Variants in TP53BP2 observed in about 807,000 individuals in gnomAD.
TP53BP2 encodes apoptosis-stimulating of p53 protein 2.
In TP53BP2, 62 loss-of-function variants were observed where a neutral mutation model predicts 126.2. The observed-to-expected ratio is 0.49, with a 90% confidence interval of 0.40 to 0.61. The LOEUF (loss-of-function observed/expected upper bound fraction) is 0.61, where lower values mean the gene tolerates loss of function less well. Among genes scored for constraint, TP53BP2 ranks in the 20% least tolerant of loss-of-function variants. The pLI, the probability that TP53BP2 is intolerant of heterozygous loss-of-function variation, is 0.00. For synonymous variants in TP53BP2, 485 were observed against 502.9 expected (o/e 0.96, Z 0.48); for missense variants, 1,215 against 1,402.8 (o/e 0.87, Z 2.14).
At chr1:223,786,312 C>T (rs1314189541) in intron 16 of TP53BP2, among the ~76,000 whole-genome samples, 1 of 152,078 alleles carries the variant, frequency 6.6e-6, no homozygotes, top group Non-Finnish European at 1.5e-5. Flanking sequence ...CAGGGAGGGG[C>T]ATCCAAACAA....
chr1:223,795,016 C>G (rs1422295121), intron 13 of TP53BP2, among the ~76,000 whole-genome samples: 2 of 152,184 alleles, frequency 1.3e-5, no homozygotes, highest in Non-Finnish European at 2.9e-5. Context: ...CTTACTGAAG[C>G]AAAGTGGCTT....
At chr1:223,834,943 G>A (rs1388746797) in intron 1 of TP53BP2, 2 of 876,544 alleles carry the variant, frequency 2.3e-6, no homozygotes, top group African/African-American at 3.6e-5. Flanking sequence ...TAGTACACAT[G>A]TTTTGGTTCT....
chr1:223,787,090 T>G (rs2102832745), intron 16 of TP53BP2, among the ~76,000 whole-genome samples: 1 of 151,840 alleles, frequency 6.6e-6, no homozygotes, highest in East Asian at 1.9e-4. Context: ...CAGATGGAGT[T>G]TCACCATGTT....
intron 1 of TP53BP2, 110 bp downstream of exon 1, chr1:223,845,544 G>A: frequency 8.2e-7 from 1 of 1,222,764 alleles, no homozygotes; most frequent in Non-Finnish European, 1.1e-6. Context: ...CCTCCGCGCG[G>A]GCTGCGGCCC....
chr1:223,804,340 G>C lies in TP53BP2; in HGVS notation c.483C>G (p.Arg161=). Residue 161 remains arginine (R), a synonymous_variant, in exon 6 of 18, where the codon CGC becomes CGG. Coordinates refer to ENST00000343537, the MANE Select transcript of TP53BP2 (RefSeq NM_001031685.3). Reference sequence around the variant, plus strand: ...GATCTTGTTGTTTCAAAAACTTTAAGCGCTGTTCCTAAAAATAAAAGTAAT... The same window carrying C: ...GATCTTGTTGTTTCAAAAACTTTAACCGCTGTTCCTAAAAATAAAAGTAAT... ...QQQLLATKEQ[R]LKFLKQQDQR... 1 of 1,613,038 alleles carries C rather than the reference G, an allele frequency of 6.2e-7. No individual in the cohort carries two copies. Among genetic ancestry groups the C allele is most frequent in the Non-Finnish European group, 8.5e-7 (1 of 1,179,818 alleles).
intron 7 of TP53BP2, 165 bp downstream of exon 7, chr1:223,803,106 G>T: frequency 3.1e-6 from 3 of 957,518 alleles, no homozygotes; most frequent in Non-Finnish European, 4.6e-6. Flanking sequence ...CCTGTCTAGG[G>T]TACTATAAAG....
In TP53BP2 at chr1:223,816,818, A is replaced by G. The variant is rs12031859; in HGVS notation, c.176-2465T>C. 4.2e-3 allele frequency among the ~76,000 whole-genome samples: 636 copies of G among 152,038 alleles called. 27 individuals carry two copies. In the East Asian group the frequency reaches 0.1, roughly 25 times the overall value. On this transcript the variant is annotated intron_variant, in intron 2 of 17. Coordinates refer to ENST00000343537, the MANE Select transcript of TP53BP2 (RefSeq NM_001031685.3). ...CCTTTTTACTACCTATGGGTATCCCATAACATCATGTTGTATACCTTAAAT... is the reference window on the plus strand; with the variant it reads ...CCTTTTTACTACCTATGGGTATCCCGTAACATCATGTTGTATACCTTAAAT...
intron 11 of TP53BP2, among the ~76,000 whole-genome samples, chr1:223,799,378 G>T (rs1232395334): frequency 6.6e-6 from 1 of 151,916 alleles, no homozygotes; most frequent in Non-Finnish European, 1.5e-5. Flanking sequence ...TTCCTATCTG[G>T]GCAATTTTAA....
chr1:223,836,294 G>A (rs1663920630), intron 1 of TP53BP2, among the ~76,000 whole-genome samples: 1 of 152,258 alleles, frequency 6.6e-6, no homozygotes, highest in Admixed American at 6.5e-5. Flanking sequence ...AGTACAACTT[G>A]CTGTGAGCAA....
intron 8 of TP53BP2, 30 bp from the exon 9 acceptor site, chr1:223,802,374 T>C (rs759091738): frequency 1.9e-6 from 3 of 1,584,126 alleles, no homozygotes; most frequent in East Asian, 2.2e-5. Context: ...TCCTTTAGTA[T>C]TAAAAATCAT....
At chr1:223,811,735 C>G (rs1030886724) in intron 3 of TP53BP2, among the ~76,000 whole-genome samples, 1 of 152,096 alleles carries the variant, frequency 6.6e-6, no homozygotes, top group Non-Finnish European at 1.5e-5. Flanking sequence ...AATCCTTAAT[C>G]GAGAGGTCTA....
chr1:223,795,382 TTTCA>T (rs1326097418), intron 13 of TP53BP2, among the ~76,000 whole-genome samples: 10 of 152,240 alleles, frequency 6.6e-5, no homozygotes, highest in Admixed American at 6.5e-4. Flanking sequence ...TCACCTAACA[TTTCA>T]TTTTTTAAAA....
At chr1:223,794,840 C>T (rs1247038022) in intron 13 of TP53BP2, among the ~76,000 whole-genome samples, 1 of 152,070 alleles carries the variant, frequency 6.6e-6, no homozygotes. Flanking sequence ...TTACTGTAAC[C>T]AATTGTTAAA....
At chr1:223,845,272 TA>T in intron 1 of TP53BP2, 1 of 984,796 alleles carries the variant, frequency 1.0e-6, no homozygotes, top group Non-Finnish European at 1.2e-6. Context: ...CAGTAAAAAG[TA>T]AAAAGACACA....
At chr1:223,810,543 A>G (rs1225713905) in intron 3 of TP53BP2, 30 bp from the exon 4 acceptor site, 2 of 1,436,250 alleles carry the variant, frequency 1.4e-6, no homozygotes, top group African/African-American at 2.8e-5. Context: ...ACTATGCATT[A>G]ACACTAGAGT....
At chr1:223,787,593 A>C (rs561127458) in intron 16 of TP53BP2, among the ~76,000 whole-genome samples, 113 of 152,054 alleles carry the variant, frequency 7.4e-4, no homozygotes, top group African/African-American at 2.5e-3. Context: ...CGAAATTTAA[A>C]AGGTCAGGCA....
intron 6 of TP53BP2, 147 bp from the exon 7 acceptor site, chr1:223,803,599 A>G (rs1662611281): frequency 1.7e-6 from 1 of 585,224 alleles, no homozygotes; most frequent in Non-Finnish European, 2.8e-6. Flanking sequence ...TTCTTTTAGA[A>G]GCAAGTGAAA....
Position 223,798,304 on chromosome 1 carries a change from G to A in TP53BP2, c.1859C>T (p.Thr620Met), listed in dbSNP as rs202075602. The A allele has an allele frequency of 1.4e-5, 23 of 1,613,986 alleles. No homozygotes were observed. Among genetic ancestry groups the A allele is most frequent in the Non-Finnish European group, 1.9e-5 (23 of 1,180,032 alleles). Reference sequence around the variant, plus strand: ...GTTTTTTCCTGGCGCCTGCTGTTGCGTATACATGGAATATATTGAACTTGC... The same window carrying A: ...GTTTTTTCCTGGCGCCTGCTGTTGCATATACATGGAATATATTGAACTTGC... The part of the protein sequence containing the change: ...VAASSIYSMY[T>M]QQQAPGKNFQ... The change falls in exon 12 of 18, where the codon ACG becomes ATG. Residue 620 changes from threonine (T) to methionine (M), a missense_variant. By Grantham distance (81) the Thr-to-Met change is moderately conservative. Transcript: ENST00000343537.
intron 2 of TP53BP2, among the ~76,000 whole-genome samples, chr1:223,816,615 G>C (rs1003660520): frequency 6.6e-6 from 1 of 152,042 alleles, no homozygotes; most frequent in African/African-American, 2.4e-5. Context: ...TTAAACAAAA[G>C]TCAGGTTTTC....
Sources: gnomAD v4.1 joint callset for allele counts (sites outside exome capture counted in the v4.1 genomes callset) on GRCh38, gnomAD v4.1.1 for gene constraint, MANE v1.5 for transcripts, NCBI Gene and HGNC (gene_info 2026-07-23, HGNC 2026-07-21) for gene names.